Variants in MSH3 observed in about 807,000 individuals in gnomAD.
The protein encoded by MSH3 is DNA mismatch repair protein Msh3.
A neutral mutation model predicts 123.3 loss-of-function variants in MSH3; 106 were observed. The observed-to-expected ratio is 0.86, with a 90% CI of 0.73 to 1.01. The LOEUF (loss-of-function observed/expected upper bound fraction) is 1.01, where lower values mean the gene tolerates loss of function less well. Ranked by LOEUF, MSH3 falls within the 50% of genes least tolerant of loss-of-function variation. MSH3 has a pLI of 0.00. For synonymous variants in MSH3, 515 were observed against 481.4 expected, an observed-to-expected ratio of 1.07 and a Z score of -0.91; for missense variants, 1,459 against 1,347.6, an observed-to-expected ratio of 1.08 and a Z score of -1.29.
intron 20 of MSH3, among the ~76,000 whole-genome samples, chr5:80,828,153 G>A (rs888153584): frequency 2.0e-5 from 3 of 152,206 alleles, no homozygotes; most frequent in Non-Finnish European, 4.4e-5. Context: ...AGACTGGGAA[G>A]TCCGAGGTCA....
chr5:80,794,586 G>C (rs949306078), intron 19 of MSH3, among the ~76,000 whole-genome samples: 2 of 152,148 alleles, frequency 1.3e-5, no homozygotes, highest in Non-Finnish European at 2.9e-5. Flanking sequence ...CTGACTTTCA[G>C]ATATCAAATG....
intron 12 of MSH3, among the ~76,000 whole-genome samples, chr5:80,758,749 T>C (rs532182515): frequency 1.1e-3 from 163 of 152,358 alleles, no homozygotes; most frequent in Admixed American, 1.9e-3. Flanking sequence ...AATCTTCTGG[T>C]AGACTTCATA....
chr5:80,701,517 G>C (rs576896182), intron 8 of MSH3, among the ~76,000 whole-genome samples: 1 of 152,274 alleles, frequency 6.6e-6, no homozygotes, highest in East Asian at 1.9e-4. Context: ...CCCCTTCACT[G>C]AACTCCAAAT....
chr5:80,751,404 A>C (rs183346394), intron 12 of MSH3, among the ~76,000 whole-genome samples: 70 of 152,276 alleles, frequency 4.6e-4, no homozygotes, highest in African/African-American at 1.6e-3. Context: ...ACCCGATACA[A>C]ACAAGCAATG....
chr5:80,785,171 C>T (rs1221607032), intron 17 of MSH3, among the ~76,000 whole-genome samples: 1 of 152,152 alleles, frequency 6.6e-6, no homozygotes, highest in East Asian at 1.9e-4. Flanking sequence ...ACCCACACTA[C>T]AATAGAGAAA....
At chr5:80,802,795 G>A (rs906181977) in intron 19 of MSH3, among the ~76,000 whole-genome samples, 1 of 152,020 alleles carries the variant, frequency 6.6e-6, no homozygotes, top group Admixed American at 6.6e-5. Context: ...TTAATTTTCA[G>A]TTCCCACAAA....
chr5:80,732,127 T>C lies in MSH3; in HGVS notation c.1568+3162T>C, dbSNP rs1743423041. Reference sequence around the variant, plus strand: ...TAAAGTTATTTTGAGAGTTTAAGTTTGTTTCAAAGAAAAATAGTGTAACAA... The same window carrying C: ...TAAAGTTATTTTGAGAGTTTAAGTTCGTTTCAAAGAAAAATAGTGTAACAA... On this transcript the variant is annotated intron_variant, in intron 10 of 23. Coordinates refer to ENST00000265081, the MANE Select transcript of MSH3 (RefSeq NM_002439.5). Among the ~76,000 whole-genome samples the C allele has an allele frequency of 1.3e-5, 2 of 152,164 alleles. 1 individual carries two copies. The highest frequency in any genetic ancestry group is 1.3e-4 in the Admixed American group (2 of 15,284).
At chr5:80,669,822 A>G (rs376418524) in intron 3 of MSH3, among the ~76,000 whole-genome samples, 7 of 152,374 alleles carry the variant, frequency 4.6e-5, no homozygotes, top group African/African-American at 7.2e-5. Flanking sequence ...AATCAAATTT[A>G]AAAACAAGTA....
intron 12 of MSH3, chr5:80,746,627 A>C: frequency 2.9e-6 from 1 of 340,286 alleles, no homozygotes; most frequent in South Asian, 2.5e-5. Flanking sequence ...GAGGACGGCC[A>C]TTTTTGTGGT....
chr5:80,829,209 C>T (rs2112076153), intron 20 of MSH3, among the ~76,000 whole-genome samples: 1 of 152,304 alleles, frequency 6.6e-6, no homozygotes, highest in South Asian at 2.1e-4. Context: ...AAAATTTGAA[C>T]CAAAGTACTG....
At chr5:80,778,959 A>C in intron 17 of MSH3, 123 bp downstream of exon 17, 1 of 635,182 alleles carries the variant, frequency 1.6e-6, no homozygotes, top group Non-Finnish European at 2.8e-6. Flanking sequence ...AGTTGAGTAC[A>C]TGTGTTCTCT....
chr5:80,730,895 T>TATATATATA (rs60328336), intron 10 of MSH3, among the ~76,000 whole-genome samples: 3 of 93,300 alleles, frequency 3.2e-5, no homozygotes, highest in East Asian at 3.0e-4. Flanking sequence ...TATATATATA[T>TATATATATA]TTTTTTTTTT....
At chr5:80,872,242 G>C (rs1255134976) in intron 22 of MSH3, among the ~76,000 whole-genome samples, 1 of 152,134 alleles carries the variant, frequency 6.6e-6, no homozygotes, top group Non-Finnish European at 1.5e-5. Flanking sequence ...GGCCAAGGTG[G>C]GTGGACCACT....
At chr5:80,843,670 A>G (rs2112093965) in intron 20 of MSH3, among the ~76,000 whole-genome samples, 1 of 152,256 alleles carries the variant, frequency 6.6e-6, no homozygotes, top group East Asian at 1.9e-4. Context: ...CATTTCTTCT[A>G]GATTTTCTAG....
chr5:80,811,071 G>A lies in MSH3; in HGVS notation c.2656-2513G>A, dbSNP rs891684971. Among the ~76,000 whole-genome samples the A allele has an allele frequency of 1.2e-4, 19 of 152,128 alleles. 1 individual carries two copies. The East Asian group carries it at 2.5e-3, about 20-fold the overall frequency. On this transcript the variant is annotated intron_variant, in intron 19 of 23. Coordinates refer to ENST00000265081, the MANE Select transcript of MSH3 (RefSeq NM_002439.5). ...AAATTGGAAACACTTCTGTCCCCAA[G>A]CGTTTTGGATAAGTGATACTCAACC...
At chr5:80,800,113 T>C (rs1175705747) in intron 19 of MSH3, among the ~76,000 whole-genome samples, 1 of 152,258 alleles carries the variant, frequency 6.6e-6, no homozygotes, top group African/African-American at 2.4e-5. Context: ...CAGACAGATA[T>C]TGCCAATACT....
chr5:80,853,007 CTGAG>C (rs1745854030), intron 20 of MSH3, among the ~76,000 whole-genome samples: 1 of 152,210 alleles, frequency 6.6e-6, no homozygotes, highest in Admixed American at 6.5e-5. Context: ...CTGCATAACA[CTGAG>C]TATTACCTAA....
intron 13 of MSH3, among the ~76,000 whole-genome samples, chr5:80,766,131 A>T (rs935768362): frequency 6.6e-6 from 1 of 152,036 alleles, no homozygotes; most frequent in Admixed American, 6.5e-5. Flanking sequence ...GATATTATTA[A>T]TATTTTTAGA....
intron 19 of MSH3, among the ~76,000 whole-genome samples, chr5:80,798,845 G>A (rs1419476133): frequency 2.0e-5 from 3 of 152,114 alleles, no homozygotes; most frequent in African/African-American, 7.2e-5. Flanking sequence ...TGCATTGATT[G>A]GACTCACACT....
Sources: gnomAD v4.1 joint callset for allele counts (sites outside exome capture counted in the v4.1 genomes callset) on GRCh38, gnomAD v4.1.1 for gene constraint, MANE v1.5 for transcripts, NCBI Gene and HGNC (gene_info 2026-07-23, HGNC 2026-07-21) for gene names.